Variants in PAN3 observed in about 807,000 individuals in gnomAD.
PAN3 encodes the protein poly(A) specific ribonuclease subunit PAN3.
In PAN3, 19 loss-of-function variants were observed where a neutral mutation model predicts 96.2. The observed-to-expected ratio is 0.20, with a 90% CI of 0.14 to 0.29. PAN3 has a LOEUF of 0.29. Ranked by LOEUF, PAN3 falls within the 10% of genes least tolerant of loss-of-function variation. The pLI, the probability that PAN3 is intolerant of heterozygous loss-of-function variation, is 1.00. For missense variants in PAN3, 882 were observed against 1,108.1 expected, an observed-to-expected ratio of 0.80 and a Z score of 2.90; for synonymous variants, 433 against 406.6, an observed-to-expected ratio of 1.06 and a Z score of -0.78.
intron 18 of PAN3, among the ~76,000 whole-genome samples, chr13:28,288,852 A>C (rs1288416604): frequency 4.0e-5 from 1 of 25,144 alleles, no homozygotes; most frequent in Non-Finnish European, 6.3e-5. Context: ...TTTTTTTGAG[A>C]CGGAGTCTCT....
chr13:28,260,239 T>A (rs921972729), intron 7 of PAN3, among the ~76,000 whole-genome samples: 6 of 151,698 alleles, frequency 4.0e-5, no homozygotes, highest in African/African-American at 1.2e-4. Flanking sequence ...TCTACAAAAA[T>A]ACAAAAATTA....
chr13:28,275,852 T>C (rs1887012501), intron 14 of PAN3, among the ~76,000 whole-genome samples: 1 of 152,194 alleles, frequency 6.6e-6, no homozygotes. Context: ...TTCAAAGTAG[T>C]TTGTCTACCT....
At chr13:28,271,853 G>A (rs1447609625) in intron 13 of PAN3, 128 bp from the exon 14 acceptor site, 3 of 558,452 alleles carry the variant, frequency 5.4e-6, no homozygotes, top group East Asian at 3.2e-5. Context: ...GTGGTGTGGG[G>A]TAGGATGGAA....
intron 1 of PAN3, among the ~76,000 whole-genome samples, chr13:28,172,723 G>A (rs1480272822): frequency 6.6e-6 from 1 of 151,964 alleles, no homozygotes; most frequent in Non-Finnish European, 1.5e-5. Context: ...TTCTTCTGTC[G>A]TTAGACACGT....
chr13:28,189,971 C>T (rs891878467), intron 4 of PAN3, among the ~76,000 whole-genome samples: 4 of 152,132 alleles, frequency 2.6e-5, no homozygotes, highest in African/African-American at 9.7e-5. Context: ...GAGACAGAGT[C>T]TTGCTCTTAT....
chr13:28,213,726 G>A (rs759520398), intron 5 of PAN3, among the ~76,000 whole-genome samples: 2 of 149,914 alleles, frequency 1.3e-5, no homozygotes, highest in Non-Finnish European at 3.0e-5. Context: ...AAAAAGGTTG[G>A]GGGATACTTC....
At chr13:28,218,700 T>C (rs927616295) in intron 5 of PAN3, among the ~76,000 whole-genome samples, 1 of 152,168 alleles carries the variant, frequency 6.6e-6, no homozygotes, top group African/African-American at 2.4e-5. Flanking sequence ...AATAATAAGG[T>C]TAGAGAAACT....
chr13:28,182,330 C>T (rs957392764), intron 4 of PAN3, among the ~76,000 whole-genome samples: 1 of 151,972 alleles, frequency 6.6e-6, no homozygotes, highest in African/African-American at 2.4e-5. Flanking sequence ...TGGGCTATTG[C>T]CCTTCTTCAT....
chr13:28,272,254 T>C (rs1886679911), intron 14 of PAN3, 183 bp downstream of exon 14: 1 of 412,370 alleles, frequency 2.4e-6, no homozygotes, highest in Admixed American at 4.4e-5. Context: ...CTTTCCCCTC[T>C]CTATTTCTTT....
chr13:28,267,578 A>G (rs1886290207), intron 12 of PAN3, among the ~76,000 whole-genome samples, 177 bp downstream of exon 12: 2 of 152,164 alleles, frequency 1.3e-5, no homozygotes, highest in African/African-American at 4.8e-5. Context: ...GAGACTGGGC[A>G]ATTTACAAAA....
At chr13:28,165,731 G>T (rs1873456924) in intron 1 of PAN3, among the ~76,000 whole-genome samples, 1 of 152,108 alleles carries the variant, frequency 6.6e-6, no homozygotes, top group African/African-American at 2.4e-5. Flanking sequence ...AGTTCTGGAG[G>T]CTGGGAAGTC....
At chr13:28,210,954 G>GA (rs745750171) in intron 5 of PAN3, among the ~76,000 whole-genome samples, 1 of 152,092 alleles carries the variant, frequency 6.6e-6, no homozygotes, top group African/African-American at 2.4e-5. Context: ...ATCCAGGCTG[G>GA]AGGGTACTGG....
chr13:28,201,822 T>G (rs933339095), intron 5 of PAN3, among the ~76,000 whole-genome samples: 5 of 152,208 alleles, frequency 3.3e-5, no homozygotes, highest in African/African-American at 1.2e-4. Flanking sequence ...TAGAATTGTC[T>G]TCTGAGTTCA....
chr13:28,272,315 G>A (rs1185445812), intron 14 of PAN3: 1 of 288,242 alleles, frequency 3.5e-6, no homozygotes, highest in East Asian at 6.5e-5. Context: ...CTGTCACCTG[G>A]GCTAGAGTGC....
At chr13:28,287,441 AG>A (rs1447258741) in intron 17 of PAN3, among the ~76,000 whole-genome samples, 3 of 152,150 alleles carry the variant, frequency 2.0e-5, no homozygotes, top group Non-Finnish European at 2.9e-5. Flanking sequence ...ATGCAGTTAC[AG>A]CTTTCTTTGA....
intron 18 of PAN3, among the ~76,000 whole-genome samples, chr13:28,288,818 T>C (rs1314465019): frequency 6.7e-6 from 1 of 150,374 alleles, no homozygotes; most frequent in Non-Finnish European, 1.5e-5. Context: ...CAAATCATTA[T>C]TAACTATAGA....
intron 1 of PAN3, among the ~76,000 whole-genome samples, chr13:28,149,880 G>C (rs1033841937): frequency 3.3e-5 from 5 of 152,152 alleles, no homozygotes; most frequent in African/African-American, 1.2e-4. Context: ...GTTGGCCAAA[G>C]TGTTGTGCTG....
At chr13:28,276,104 A>G (rs986394911) in intron 14 of PAN3, among the ~76,000 whole-genome samples, 1 of 152,148 alleles carries the variant, frequency 6.6e-6, no homozygotes. Context: ...GCATATTACC[A>G]TCATTTGTGG....
chr13:28,217,082 C>G (rs1363579042), intron 5 of PAN3, among the ~76,000 whole-genome samples: 1 of 151,224 alleles, frequency 6.6e-6, no homozygotes, highest in African/African-American at 2.4e-5. Flanking sequence ...CCACTGTACT[C>G]CAGCCTGGGT....
Sources: allele counts gnomAD v4.1 joint callset (sites outside exome capture counted in the v4.1 genomes callset), GRCh38; gene constraint gnomAD v4.1.1; transcripts MANE v1.5; gene names NCBI Gene and HGNC (gene_info 2026-07-23, HGNC 2026-07-21).